Variants in MLPH observed in about 807,000 individuals in gnomAD.
MLPH encodes exophilin-3.
A neutral mutation model predicts 72.1 loss-of-function variants in MLPH; 51 were observed. That is an observed-to-expected ratio of 0.71 (90% confidence interval 0.56 to 0.89). The LOEUF (loss-of-function observed/expected upper bound fraction) is 0.89. MLPH is among the 40% of genes least tolerant of loss of function. MLPH has a pLI of 0.00. For synonymous variants in MLPH, 301 were observed against 310.1 expected (o/e 0.97, Z 0.31); for missense variants, 743 against 759.9 (o/e 0.98, Z 0.26).
chr2:237,496,390 C>A (rs972892429), intron 2 of MLPH, among the ~76,000 whole-genome samples: 1 of 152,108 alleles, frequency 6.6e-6, no homozygotes, highest in Non-Finnish European at 1.5e-5. Flanking sequence ...TAGCAGAAAC[C>A]CCCATGCGTT....
intron 2 of MLPH, chr2:237,509,947 C>G (rs994707041): frequency 1.3e-5 from 2 of 154,640 alleles, no homozygotes; most frequent in African/African-American, 4.8e-5. Flanking sequence ...CAGACATTCT[C>G]TGAAATCTAG....
intron 8 of MLPH, among the ~76,000 whole-genome samples, chr2:237,534,038 G>A (rs182040436): frequency 7.5e-4 from 114 of 152,318 alleles, no homozygotes; most frequent in African/African-American, 2.6e-3. Flanking sequence ...CAGTCTGGGA[G>A]CTAATAGACT....
chr2:237,510,458 ACTGTGTGTGTGTATGTGTCTGTGT>A lies in MLPH; in HGVS notation c.111-103_111-80del, dbSNP rs771941086. 9 of 989,280 alleles carry A rather than the reference ACTGTGTGTGTGTATGTGTCTGTGT, an allele frequency of 9.1e-6. No individual in the cohort carries two copies. Among genetic ancestry groups the A allele is most frequent in the Admixed American group, 2.0e-5 (1 of 50,356 alleles). The allele number at this position is 989,280 out of a possible 1,614,324, so 61.3% of individuals were successfully genotyped here. A position where few individuals can be genotyped will look rare whatever the true frequency, so the allele number is the denominator to read the frequency against. ...ACTGTTTTCTGCATAGGAGACAGTT[ACTGTGTGTGTGTATGTGTCTGTGT>A]CTGTGTGTGTGTGTATGTACGTGTA... On this transcript the variant is annotated intron_variant, in intron 2 of 15. Coordinates refer to ENST00000264605, the MANE Select transcript of MLPH (RefSeq NM_024101.7). The surrounding 1 kb of genome is among the most constrained non-coding windows in gnomAD (Gnocchi z 4.4).
chr2:237,497,659 G>A (rs1333720140), intron 2 of MLPH, among the ~76,000 whole-genome samples: 3 of 152,174 alleles, frequency 2.0e-5, no homozygotes, highest in African/African-American at 7.2e-5. Context: ...AGAGGAGCTG[G>A]CGAAAATACC....
At chr2:237,548,852 C>T (rs2080975099) in intron 13 of MLPH, among the ~76,000 whole-genome samples, 1 of 152,176 alleles carries the variant, frequency 6.6e-6, no homozygotes, top group African/African-American at 2.4e-5. Context: ...GCACTCCAGC[C>T]TGGGTGACAG....
intron 5 of MLPH, 120 bp from the exon 6 acceptor site, chr2:237,519,790 G>A (rs901839068): frequency 7.1e-7 from 1 of 1,415,642 alleles, no homozygotes; most frequent in Non-Finnish European, 9.9e-7. Context: ...GATGTGCTGG[G>A]AGAGGAGCCT....
chr2:237,553,052 C>T, intron 15 of MLPH: 1 of 463,778 alleles, frequency 2.2e-6, no homozygotes, highest in Non-Finnish European at 4.5e-6. Context: ...AGTTTAAGTG[C>T]CCTCCAGAGT....
chr2:237,504,918 T>TC (rs561989644), intron 2 of MLPH, among the ~76,000 whole-genome samples: 2 of 152,010 alleles, frequency 1.3e-5, no homozygotes, highest in African/African-American at 2.4e-5. Flanking sequence ...TCCCATCTGC[T>TC]CCCCCTCGTG....
At chr2:237,533,390 C>CTTTTTTTTTTTTTTTTTTTTTT (rs746139615) in intron 8 of MLPH, among the ~76,000 whole-genome samples, 1 of 108,008 alleles carries the variant, frequency 9.3e-6, no homozygotes, top group Non-Finnish European at 1.8e-5. Flanking sequence ...ATTTTCTTTT[C>CTTTTTTTTTTTTTTTTTTTTTT]TTTTTTTTTT....
At chr2:237,503,487 T>C (rs1232972857) in intron 2 of MLPH, among the ~76,000 whole-genome samples, 1 of 152,042 alleles carries the variant, frequency 6.6e-6, no homozygotes. Flanking sequence ...GGAGCCTGGG[T>C]CCCCGGTGCT....
chr2:237,507,907 C>A (rs1463391448), intron 2 of MLPH, among the ~76,000 whole-genome samples: 1 of 152,128 alleles, frequency 6.6e-6, no homozygotes, highest in African/African-American at 2.4e-5. Context: ...GTTTCTAGCT[C>A]AGGTGGCGAT....
At chr2:237,490,114 G>A (rs148980775) in intron 1 of MLPH, among the ~76,000 whole-genome samples, 9 of 152,288 alleles carry the variant, frequency 5.9e-5, no homozygotes, top group African/African-American at 1.9e-4. Flanking sequence ...GGAACAAGGA[G>A]CAGATAGAGC....
Position 237,525,467 on chromosome 2 carries a change from C to T in MLPH, c.676-134C>T, listed in dbSNP as rs137894445. Reference sequence around the variant, plus strand: ...AACAGAACTGAGTGGCAGGGGCCAGCGCAGATGGGTGCCTAGTGCTGGGTC... The same window carrying T: ...AACAGAACTGAGTGGCAGGGGCCAGTGCAGATGGGTGCCTAGTGCTGGGTC... On this transcript the variant is annotated intron_variant, in intron 6 of 15. Coordinates refer to ENST00000264605, the MANE Select transcript of MLPH (RefSeq NM_024101.7). 351 of 807,784 alleles carry T rather than the reference C, an allele frequency of 4.3e-4. 1 individual carries two copies. In the African/African-American group the frequency reaches 5.3e-3, roughly 12 times the overall value. The allele number at this position is 807,784 out of a possible 1,614,324, so 50.0% of individuals were successfully genotyped here.
intron 1 of MLPH, 46 bp from the exon 2 acceptor site, chr2:237,493,357 T>G: frequency 2.5e-6 from 3 of 1,215,282 alleles, no homozygotes; most frequent in South Asian, 1.2e-5. Flanking sequence ...TGATTGGTAT[T>G]GGTAGGCTTC....
chr2:237,496,326 G>A (rs2079535064), intron 2 of MLPH, among the ~76,000 whole-genome samples: 1 of 152,206 alleles, frequency 6.6e-6, no homozygotes. Context: ...CTGTCTTCCA[G>A]GGGACTGCTG....
chr2:237,523,657 C>T (rs1336486504), intron 6 of MLPH, among the ~76,000 whole-genome samples: 2 of 151,924 alleles, frequency 1.3e-5, no homozygotes, highest in East Asian at 1.9e-4. Context: ...CGTATTTTCT[C>T]GTGTAAAGAA....
chr2:237,534,531 C>A, intron 8 of MLPH, 33 bp from the exon 9 acceptor site: 1 of 1,578,468 alleles, frequency 6.3e-7, no homozygotes, highest in South Asian at 1.1e-5. Context: ...TGCACTGGGT[C>A]CTCTGCCCAC....
intron 1 of MLPH, among the ~76,000 whole-genome samples, chr2:237,491,559 A>G (rs2079429226): frequency 6.6e-6 from 1 of 152,200 alleles, no homozygotes; most frequent in Non-Finnish European, 1.5e-5. Context: ...AACAATAACT[A>G]ATGAGACATC....
intron 2 of MLPH, among the ~76,000 whole-genome samples, chr2:237,495,203 TC>T (rs1324950097): frequency 2.0e-5 from 3 of 152,290 alleles, no homozygotes; most frequent in African/African-American, 7.2e-5. Flanking sequence ...CCTTCCTCTT[TC>T]CCCTATGAGG....
Sources: allele counts gnomAD v4.1 joint callset (sites outside exome capture counted in the v4.1 genomes callset), GRCh38; gene constraint gnomAD v4.1.1; non-coding constraint Gnocchi (gnomAD v3.1); transcripts MANE v1.5; gene names NCBI Gene and HGNC (gene_info 2026-07-23, HGNC 2026-07-21).